Variants in BRWD1 observed in about 807,000 individuals in gnomAD.
BRWD1 encodes bromodomain and WD repeat-containing protein 1.
A neutral mutation model predicts 251.2 loss-of-function variants in BRWD1; 82 were observed. The observed-to-expected ratio is 0.33, with a 90% confidence interval of 0.27 to 0.39. The LOEUF (loss-of-function observed/expected upper bound fraction) is 0.39, where lower values mean the gene tolerates loss of function less well. Ranked by LOEUF, BRWD1 falls within the 10% of genes least tolerant of loss-of-function variation. The pLI is 1.00. For missense variants in BRWD1, 2,233 were observed against 2,711.6 expected (o/e 0.82, Z 3.92); for synonymous variants, 918 against 902.8 (o/e 1.02, Z -0.30).
chr21:39,311,328 C>T (rs1164963900), intron 4 of BRWD1, among the ~76,000 whole-genome samples: 1 of 152,002 alleles, frequency 6.6e-6, no homozygotes, highest in African/African-American at 2.4e-5. Flanking sequence ...CCACCACAGC[C>T]GCCTAATTTT....
intron 7 of BRWD1, among the ~76,000 whole-genome samples, chr21:39,295,296 C>T (rs542034122): frequency 2.1e-4 from 31 of 147,708 alleles, no homozygotes; most frequent in Non-Finnish European, 4.2e-4. Context: ...ACGCCATTCT[C>T]CTACCTCAGC....
chr21:39,284,782 ATTGAG>A (rs2035580660), intron 8 of BRWD1, among the ~76,000 whole-genome samples: 1 of 152,056 alleles, frequency 6.6e-6, no homozygotes, highest in Admixed American at 6.6e-5. Context: ...TTTTTTTTCT[ATTGAG>A]TTGAGTTCCT....
Position 39,188,383 on chromosome 21 carries a change from A to G in BRWD1, c.*7876T>C. 1 of 985,368 alleles carries G rather than the reference A, an allele frequency of 1.0e-6. No individual in the cohort carries two copies. The highest frequency in any genetic ancestry group is 1.2e-6 in the Non-Finnish European group (1 of 829,922). The allele number at this position is 985,368 out of a possible 1,614,324, so 61.0% of individuals were successfully genotyped here. On this transcript the variant is annotated 3_prime_UTR_variant, in exon 41 of 41. Transcript: ENST00000342449. ...TGTAGATCACTGAAATAACCAGTTG[A>G]TATCCTCCACCCACACTAGACATCT...
intron 21 of BRWD1, among the ~76,000 whole-genome samples, chr21:39,247,099 C>T (rs934009205): frequency 2.0e-5 from 3 of 150,282 alleles, no homozygotes; most frequent in Admixed American, 6.6e-5. Flanking sequence ...AGGGCCCATT[C>T]ATATAAAATG....
chr21:39,210,207 T>C (rs948501866), intron 35 of BRWD1, 60 bp from the exon 36 acceptor site: 15 of 1,383,438 alleles, frequency 1.1e-5, no homozygotes, highest in Non-Finnish European at 1.5e-5. Context: ...GAAATGTAAA[T>C]GCATCAGATC....
intron 15 of BRWD1, among the ~76,000 whole-genome samples, chr21:39,267,920 T>C (rs1472604472): frequency 6.6e-6 from 1 of 152,154 alleles, no homozygotes; most frequent in African/African-American, 2.4e-5. Flanking sequence ...AAAAAGGTTT[T>C]ACATGAAATA....
At chr21:39,313,700 G>T (rs1420487232), upstream of BRWD1, 2 of 367,112 alleles carry the variant, frequency 5.4e-6, no homozygotes, top group African/African-American at 2.2e-5. Flanking sequence ...CCTCCGCGGG[G>T]GGCGGGGGTT....
intron 4 of BRWD1, chr21:39,312,441 G>A (rs2036519377): frequency 1.2e-5 from 2 of 170,542 alleles, no homozygotes; most frequent in South Asian, 1.2e-4. Context: ...TGGGGGGACA[G>A]ACCCGGGCGG....
rs1337885414 is a variant in BRWD1, at chr21:39,313,291, A to G, written c.58T>C (p.Phe20Leu). The G allele has an allele frequency of 6.5e-7, 1 of 1,549,754 alleles. No individual in the cohort carries two copies. ...PVPLIESELY[F>L]LIARYLSAGP... ...GCCGATAGGTACCGGGCGATAAGGA[A>G]GTACAGCTCTGCGGGAAGACAAGGA... The change falls in exon 2 of 41, where the codon TTC (phenylalanine) becomes CTC (leucine). Residue 20 changes from phenylalanine (F) to leucine (L), a missense_variant. Physicochemically the swap from Phe to Leu is conservative, Grantham distance 22. Around this residue, in one of 12 missense-constraint regions of BRWD1, gnomAD observed 101 missense variants for 95.6 expected, o/e 1.06. Coordinates refer to ENST00000342449, the MANE Select transcript of BRWD1 (RefSeq NM_033656.4).
chr21:39,259,028 C>A (rs2034653463), intron 17 of BRWD1, among the ~76,000 whole-genome samples: 1 of 152,178 alleles, frequency 6.6e-6, no homozygotes, highest in Non-Finnish European at 1.5e-5. Flanking sequence ...GAGTCTCTAA[C>A]TGGAACAGAG....
At chr21:39,278,090 C>A (rs1445346806) in intron 10 of BRWD1, among the ~76,000 whole-genome samples, 1 of 152,052 alleles carries the variant, frequency 6.6e-6, no homozygotes, top group Non-Finnish European at 1.5e-5. Flanking sequence ...CTGAAGCAAT[C>A]CTCCCATCTC....
In BRWD1 at chr21:39,212,712, G is replaced by A; in HGVS notation, c.3859-5C>T. The A allele has an allele frequency of 1.3e-6, 2 of 1,563,260 alleles. No individual in the cohort carries two copies. Among genetic ancestry groups the A allele is most frequent in the Middle Eastern group, 1.7e-4 (1 of 5,948 alleles). Reference sequence around the variant, plus strand: ...TTTAGGAAGATCACTATCATCCTAGGAATAAAATCAGAGCACCTTAAGTAT... The same window carrying A: ...TTTAGGAAGATCACTATCATCCTAGAAATAAAATCAGAGCACCTTAAGTAT... On this transcript the variant is annotated splice_polypyrimidine_tract_variant and splice_region_variant and intron_variant, in intron 33 of 40. Transcript: ENST00000342449.
At chr21:39,312,763 G>C (rs1017115093) in intron 4 of BRWD1, 78 bp downstream of exon 4, 10 of 1,243,842 alleles carry the variant, frequency 8.0e-6, no homozygotes, top group Middle Eastern at 2.7e-4. Context: ...CCACGGGCCG[G>C]GGTCCCCGCG....
chr21:39,190,253 CTTAT>C lies in BRWD1; in HGVS notation c.*6002_*6005del, dbSNP rs1353476292. Reference sequence around the variant, plus strand: ...GACTTTTTTTTAATTTTTAAGCTACCTTATTTACAGATTCTGCACAATATTTCAT... The same window carrying C: ...GACTTTTTTTTAATTTTTAAGCTACCTTACAGATTCTGCACAATATTTCAT... On this transcript the variant is annotated 3_prime_UTR_variant, in exon 41 of 41. Coordinates refer to ENST00000342449, the MANE Select transcript of BRWD1 (RefSeq NM_033656.4). The C allele has an allele frequency of 5.5e-5, 54 of 982,102 alleles. No homozygotes were observed. The highest frequency in any genetic ancestry group is 6.4e-5 in the Non-Finnish European group (53 of 827,288). The allele number at this position is 982,102 out of a possible 1,614,324, so 60.8% of individuals were successfully genotyped here. A position where few individuals can be genotyped will look rare whatever the true frequency, so the allele number is the denominator to read the frequency against.
At chr21:39,317,572 C>T (rs768088063), upstream of BRWD1, among the ~76,000 whole-genome samples, 1 of 152,236 alleles carries the variant, frequency 6.6e-6, no homozygotes, top group Non-Finnish European at 1.5e-5. Context: ...ACAAACACTG[C>T]AAAGTCCATT....
At chr21:39,274,037 A>G (rs2035201187) in intron 13 of BRWD1, among the ~76,000 whole-genome samples, 1 of 152,252 alleles carries the variant, frequency 6.6e-6, no homozygotes, top group African/African-American at 2.4e-5. Context: ...ACAGAAAAGT[A>G]TAATTTCCAC....
chr21:39,200,014 A>G (rs942712282), intron 39 of BRWD1, among the ~76,000 whole-genome samples: 2 of 152,222 alleles, frequency 1.3e-5, no homozygotes, highest in African/African-American at 4.8e-5. Flanking sequence ...CAGCCTCCCA[A>G]AGTGCTGGGA....
intron 23 of BRWD1, 73 bp from the exon 24 acceptor site, chr21:39,232,571 A>G (rs1219379017): frequency 5.3e-6 from 8 of 1,515,276 alleles, no homozygotes; most frequent in Non-Finnish European, 7.1e-6. Context: ...GAAAAATAAA[A>G]GAAACTTTCA....
intron 4 of BRWD1, among the ~76,000 whole-genome samples, chr21:39,309,365 G>C (rs1336334370): frequency 6.6e-6 from 1 of 151,806 alleles, no homozygotes; most frequent in Admixed American, 6.6e-5. Context: ...GGCTGAGGTG[G>C]GAAGATTGCT....
Sources: allele counts gnomAD v4.1 joint callset (sites outside exome capture counted in the v4.1 genomes callset), GRCh38; gene constraint gnomAD v4.1.1; regional missense constraint gnomAD v4.1.1; transcripts MANE v1.5; gene names NCBI Gene and HGNC (gene_info 2026-07-23, HGNC 2026-07-21).